ZNF705A: variants seen among roughly 807,000 people sequenced by gnomAD.
ZNF705A encodes the protein zinc finger protein 705A.
ZNF705A carries 8 observed loss-of-function variants against 16.6 expected under a neutral mutation model. The ratio of observed to expected loss-of-function variants is 0.48; its 90% CI spans 0.28 to 0.87. The LOEUF (loss-of-function observed/expected upper bound fraction) is 0.87. Ranked by LOEUF, ZNF705A falls within the 40% of genes least tolerant of loss-of-function variation. ZNF705A has a pLI of 0.10. For synonymous variants in ZNF705A, 73 were observed against 117.3 expected (o/e 0.62, Z 2.44); for missense variants, 233 against 359.9 (o/e 0.65, Z 2.85).
intron 1 of ZNF705A, among the ~76,000 whole-genome samples, chr12:8,162,627 C>T (rs1398413583): frequency 2.0e-5 from 3 of 152,040 alleles, no homozygotes; most frequent in Non-Finnish European, 4.4e-5. Context: ...CTTTGTCTTC[C>T]CCCTCCAGCT....
At position 8,177,606 on chromosome 12, in the gene ZNF705A, A is replaced by G. The variant is rs1475138816; in HGVS notation, c.*23A>G. ...TGACATGAGAGAACATGCACTGGAG[A>G]AAAGCCATATGAATGCCATTTATGT... On this transcript the variant is annotated 3_prime_UTR_variant, in exon 5 of 5. Coordinates refer to ENST00000359286, the Ensembl canonical transcript of ZNF705A. The G allele has an allele frequency of 4.0e-6, 6 of 1,509,222 alleles. No homozygotes were observed. The Admixed American group carries it at 8.8e-5, about 22-fold the overall frequency. 93.5% of individuals were successfully genotyped at this position (1,509,222 alleles called of 1,614,324 possible).
At chr12:8,170,371 C>A (rs761797709), upstream of ZNF705A, among the ~76,000 whole-genome samples, 1 of 152,118 alleles carries the variant, frequency 6.6e-6, no homozygotes, top group Non-Finnish European at 1.5e-5. Flanking sequence ...TTAAAAGTTT[C>A]TCCTAAAGAT....
At chr12:8,164,551 G>T (rs1181426376) in intron 1 of ZNF705A, among the ~76,000 whole-genome samples, 1 of 152,114 alleles carries the variant, frequency 6.6e-6, no homozygotes, top group African/African-American at 2.4e-5. Flanking sequence ...TGTTCTCACC[G>T]TTCTGCTCCC....
At chr12:8,179,142 C>T (rs1196807165) in exon 5 of ZNF705A, 3 of 152,204 alleles carry the variant, frequency 2.0e-5, no homozygotes, top group Non-Finnish European at 4.4e-5. Flanking sequence ...GGCAGCTCTT[C>T]TCTTCTATCC....
upstream of ZNF705A, among the ~76,000 whole-genome samples, chr12:8,170,618 G>T (rs938681990): frequency 2.6e-5 from 4 of 152,096 alleles, no homozygotes; most frequent in African/African-American, 4.8e-5. Flanking sequence ...TGATATTCGA[G>T]GAAGAGCTTA....
upstream of ZNF705A, among the ~76,000 whole-genome samples, chr12:8,170,426 C>G (rs1408913867): frequency 6.6e-6 from 1 of 152,130 alleles, no homozygotes; most frequent in Admixed American, 6.5e-5. Flanking sequence ...ATCTCTACAT[C>G]TTGAAATAGT....
chr12:8,160,061 C>T (rs189674609), intron 1 of ZNF705A, among the ~76,000 whole-genome samples: 33 of 152,220 alleles, frequency 2.2e-4, no homozygotes, highest in Middle Eastern at 6.8e-3. Context: ...ATTATCCCAG[C>T]ACCATTTGTT....
chr12:8,159,604 A>G (rs1302682200), intron 1 of ZNF705A, among the ~76,000 whole-genome samples: 1 of 151,898 alleles, frequency 6.6e-6, no homozygotes. Context: ...CCATTTGTAT[A>G]TCTTCTTTTG....
At chr12:8,174,085 A>G (rs1349973468) in intron 1 of ZNF705A, among the ~76,000 whole-genome samples, 1 of 152,202 alleles carries the variant, frequency 6.6e-6, no homozygotes, top group Non-Finnish European at 1.5e-5. Context: ...TATCTGGGTT[A>G]TATTATGCCA....
intron 1 of ZNF705A, among the ~76,000 whole-genome samples, chr12:8,166,710 G>A (rs1178418225): frequency 6.6e-6 from 1 of 152,262 alleles, no homozygotes; most frequent in Non-Finnish European, 1.5e-5. Flanking sequence ...CAAGGCTTGT[G>A]GCTTGCGCCC....
rs568796677 is a variant in ZNF705A, at chr12:8,157,500, T to C, written c.-72+408T>C. ...GCAACACTTGAATACTGGCCTTTGA[T>C]TAATTAATTCTCTCCAGTGGAAATA... On this transcript the variant is annotated intron_variant, in intron 1 of 5. Coordinates refer to the ZNF705A transcript ENST00000396570. Among the ~76,000 whole-genome samples, 12 of 152,264 alleles carry C rather than the reference T, an allele frequency of 7.9e-5. No individual in the cohort carries two copies. The South Asian group carries it at 2.5e-3, about 32-fold the overall frequency.
upstream of ZNF705A, among the ~76,000 whole-genome samples, chr12:8,168,483 C>A (rs1323667021): frequency 6.6e-6 from 1 of 152,152 alleles, no homozygotes; most frequent in Non-Finnish European, 1.5e-5. Context: ...TATTTGTGTG[C>A]CTTTTCCATT....
chr12:8,167,885 T>C (rs745386648), upstream of ZNF705A, among the ~76,000 whole-genome samples: 2 of 152,306 alleles, frequency 1.3e-5, no homozygotes, highest in Admixed American at 6.5e-5. Context: ...GAAAATTCTC[T>C]TGGAAGAGAC....
At chr12:8,165,557 A>T (rs34167410) in intron 1 of ZNF705A, among the ~76,000 whole-genome samples, 3,434 of 148,388 alleles carry the variant, frequency 0.023, 51 homozygotes, top group Non-Finnish European at 0.036. Context: ...GATTTAGGAG[A>T]TGCATGTGCA....
At chr12:8,169,584 C>G (rs193193752), upstream of ZNF705A, among the ~76,000 whole-genome samples, 51 of 152,276 alleles carry the variant, frequency 3.3e-4, no homozygotes, top group Admixed American at 1.4e-3. Flanking sequence ...TTGTATAGCA[C>G]TGGTGTTGAG....
upstream of ZNF705A, among the ~76,000 whole-genome samples, chr12:8,170,779 G>A (rs890143024): frequency 6.6e-6 from 1 of 152,188 alleles, no homozygotes; most frequent in African/African-American, 2.4e-5. Flanking sequence ...AAGGCAGATG[G>A]AGTCATATGT....
At chr12:8,171,468 C>A (rs1948444686), upstream of ZNF705A, among the ~76,000 whole-genome samples, 1 of 152,122 alleles carries the variant, frequency 6.6e-6, no homozygotes, top group African/African-American at 2.4e-5. Context: ...TTGCAACTAA[C>A]AAAGACTAAT....
intron 3 of ZNF705A, 23 bp downstream of exon 4, chr12:8,175,346 C>T: frequency 3.9e-6 from 6 of 1,528,340 alleles, no homozygotes; most frequent in Non-Finnish European, 4.5e-6. Context: ...GTCCTGTGCT[C>T]TAATAGGAGG....
upstream of ZNF705A, among the ~76,000 whole-genome samples, chr12:8,167,825 A>G (rs1308438324): frequency 6.6e-6 from 1 of 152,250 alleles, no homozygotes; most frequent in African/African-American, 2.4e-5. Flanking sequence ...GCTAAGTTTC[A>G]GAGCAGGAGT....
Sources: gnomAD v4.1 joint callset for allele counts (sites outside exome capture counted in the v4.1 genomes callset) on GRCh38, gnomAD v4.1.1 for gene constraint, MANE v1.5 for transcripts, NCBI Gene and HGNC (gene_info 2026-07-23, HGNC 2026-07-21) for gene names.